CRPPA: variants seen among roughly 807,000 people sequenced by gnomAD.
CRPPA encodes CDP-L-ribitol pyrophosphorylase A.
CRPPA carries 43 observed loss-of-function variants against 52.0 expected under a neutral mutation model. That is an observed-to-expected ratio of 0.83 (90% CI 0.65 to 1.07). CRPPA has a LOEUF of 1.07. CRPPA is among the 50% of genes least tolerant of loss of function. CRPPA has a pLI of 0.00. For missense variants in CRPPA, 629 were observed against 551.7 expected (o/e 1.14, Z -1.40); for synonymous variants, 250 against 203.5 (o/e 1.23, Z -1.94).
chr7:16,269,435 G>C (rs1784036181), intron 6 of CRPPA: 1 of 152,146 alleles, frequency 6.6e-6, no homozygotes, highest in Non-Finnish European at 1.5e-5. Context: ...ATCGTTTCAA[G>C]ACATGTTGAG....
At chr7:16,095,085 T>G (rs1445615373) in intron 9 of CRPPA, among the ~76,000 whole-genome samples, 1 of 152,192 alleles carries the variant, frequency 6.6e-6, no homozygotes, top group East Asian at 1.9e-4. Flanking sequence ...GGGAACTCTC[T>G]GCGGCATCCT....
At chr7:16,125,371 A>T (rs1299769365) in intron 9 of CRPPA, among the ~76,000 whole-genome samples, 1 of 152,084 alleles carries the variant, frequency 6.6e-6, no homozygotes, top group Non-Finnish European at 1.5e-5. Context: ...CCCAGTCATA[A>T]ACAGTACCAA....
At chr7:16,170,905 C>A (rs1039009270) in intron 9 of CRPPA, among the ~76,000 whole-genome samples, 1 of 152,248 alleles carries the variant, frequency 6.6e-6, no homozygotes, top group Admixed American at 6.5e-5. Context: ...GGAACTTGCA[C>A]TGGCCTGCGA....
In CRPPA at chr7:16,102,361, A is replaced by G. The variant is rs551314125; in HGVS notation, c.1252-10562T>C. ...CATAAAACCATAAAAATCCTAGAAG[A>G]AAACTGAGGCAATACCATTCAGGAC... On this transcript the variant is annotated intron_variant, in intron 9 of 9. Transcript: ENST00000407010. Among the ~76,000 whole-genome samples the G allele has an allele frequency of 2.6e-5, 4 of 152,346 alleles. No individual in the cohort carries two copies. In the South Asian group the frequency reaches 8.3e-4, roughly 32 times the overall value.
At chr7:16,416,457 T>G (rs1212936665) in intron 1 of CRPPA, among the ~76,000 whole-genome samples, 2 of 152,168 alleles carry the variant, frequency 1.3e-5, no homozygotes, top group African/African-American at 4.8e-5. Context: ...GCATCAGCCT[T>G]GGGAAAGAAT....
chr7:16,196,859 C>T (rs1343854258), intron 9 of CRPPA, among the ~76,000 whole-genome samples: 1 of 152,084 alleles, frequency 6.6e-6, no homozygotes, highest in Non-Finnish European at 1.5e-5. Context: ...TAGAGTTTTG[C>T]TGCCGTTTCC....
chr7:16,239,178 G>A (rs1464759647), intron 8 of CRPPA, among the ~76,000 whole-genome samples: 3 of 140,910 alleles, frequency 2.1e-5, no homozygotes, highest in African/African-American at 5.1e-5. Context: ...TGCCATCAAA[G>A]GCATCCCACT....
intron 3 of CRPPA, among the ~76,000 whole-genome samples, chr7:16,351,003 C>T (rs368878380): frequency 1.4e-4 from 22 of 151,990 alleles, no homozygotes; most frequent in South Asian, 6.2e-4. Flanking sequence ...CAGACAAAGA[C>T]GACAATTACA....
intron 9 of CRPPA, among the ~76,000 whole-genome samples, chr7:16,127,064 A>T (rs1474534834): frequency 6.6e-6 from 1 of 152,204 alleles, no homozygotes; most frequent in Non-Finnish European, 1.5e-5. Flanking sequence ...GTGAGAAAGA[A>T]GTATGTATAC....
At chr7:16,189,383 T>A (rs1209564805) in intron 9 of CRPPA, among the ~76,000 whole-genome samples, 1 of 152,016 alleles carries the variant, frequency 6.6e-6, no homozygotes, top group East Asian at 1.9e-4. Flanking sequence ...ACAAGAAAAA[T>A]TCAGAATGTA....
intron 2 of CRPPA, among the ~76,000 whole-genome samples, chr7:16,397,913 C>T (rs887069192): frequency 6.6e-6 from 1 of 152,214 alleles, no homozygotes. Flanking sequence ...TTTGACGTGA[C>T]CAACACAACT....
In CRPPA at chr7:16,384,183, G is replaced by A. The variant is rs191740872; in HGVS notation, c.535-7942C>T. On this transcript the variant is annotated intron_variant, in intron 2 of 9. Transcript: ENST00000407010. ...ACTCATGATGCAGTTAGCCACTGGG[G>A]TTGATGTGGTGATTTTTCACAAGTA... Among the ~76,000 whole-genome samples, 49 of 152,244 alleles carry A rather than the reference G, an allele frequency of 3.2e-4. 1 individual carries two copies. Among genetic ancestry groups the A allele is most frequent in the Admixed American group, 3.0e-3 (46 of 15,300 alleles).
intron 3 of CRPPA, among the ~76,000 whole-genome samples, chr7:16,335,698 C>T (rs983168939): frequency 6.6e-6 from 1 of 152,020 alleles, no homozygotes; most frequent in Non-Finnish European, 1.5e-5. Context: ...AAGAAAAAGG[C>T]CTGGAAAGCA....
At chr7:16,101,987 C>T (rs575920701) in intron 9 of CRPPA, among the ~76,000 whole-genome samples, 1 of 152,158 alleles carries the variant, frequency 6.6e-6, no homozygotes, top group South Asian at 2.1e-4. Context: ...AAAAAAGAGC[C>T]CATACAGCCA....
chr7:16,381,281 T>C (rs1787080464), intron 2 of CRPPA, among the ~76,000 whole-genome samples: 1 of 152,184 alleles, frequency 6.6e-6, no homozygotes, highest in Non-Finnish European at 1.5e-5. Flanking sequence ...GTTGTTCAGT[T>C]TCCATGTAGT....
At chr7:16,322,826 G>T (rs961677697) in intron 3 of CRPPA, among the ~76,000 whole-genome samples, 3 of 152,094 alleles carry the variant, frequency 2.0e-5, no homozygotes, top group African/African-American at 7.2e-5. Flanking sequence ...CGAGACTTGG[G>T]AATTTATAAG....
chr7:16,290,108 C>G (rs1339392760), intron 5 of CRPPA, among the ~76,000 whole-genome samples: 1 of 151,780 alleles, frequency 6.6e-6, no homozygotes, highest in Non-Finnish European at 1.5e-5. Context: ...AGGCAAAGGC[C>G]TCTACAACAA....
chr7:16,369,319 G>C (rs557796797), intron 3 of CRPPA, among the ~76,000 whole-genome samples: 5 of 152,194 alleles, frequency 3.3e-5, no homozygotes, highest in Admixed American at 1.3e-4. Context: ...GAGAGAAACA[G>C]AACAGGGCAG....
intron 4 of CRPPA, among the ~76,000 whole-genome samples, chr7:16,302,168 C>T (rs1784801728): frequency 1.3e-5 from 2 of 151,872 alleles, no homozygotes; most frequent in South Asian, 2.1e-4. Context: ...CGGTGGCGGG[C>T]GCCTGTAGTC....
Sources: gnomAD v4.1 joint callset for allele counts (sites outside exome capture counted in the v4.1 genomes callset) on GRCh38, gnomAD v4.1.1 for gene constraint, MANE v1.5 for transcripts, NCBI Gene and HGNC (gene_info 2026-07-23, HGNC 2026-07-21) for gene names.